Variants in MAML2 observed in about 807,000 individuals in gnomAD.
MAML2 encodes mastermind like transcriptional coactivator 2, also known as mastermind-like protein 2.
Under a neutral mutation model 96.1 loss-of-function variants are expected in MAML2, and 22 were observed. That is an observed-to-expected ratio of 0.23 (90% confidence interval 0.16 to 0.33). The LOEUF (loss-of-function observed/expected upper bound fraction) is 0.33. Among genes scored for constraint, MAML2 ranks in the 10% least tolerant of loss-of-function variants. The probability of loss-of-function intolerance (pLI) is 1.00; values close to 1 mark genes in which losing one functional copy is unlikely to be tolerated. For missense variants in MAML2, 1,367 were observed against 1,392.4 expected (o/e 0.98, Z 0.29); for synonymous variants, 561 against 521.3 (o/e 1.08, Z -1.04).
chr11:96,230,649 A>T (rs1404882691), intron 1 of MAML2, among the ~76,000 whole-genome samples: 1 of 152,244 alleles, frequency 6.6e-6, no homozygotes, highest in Non-Finnish European at 1.5e-5. Context: ...TTTCCAGGAC[A>T]GCCCACATCA....
intron 2 of MAML2, among the ~76,000 whole-genome samples, chr11:96,054,595 A>G (rs1859034036): frequency 6.6e-6 from 1 of 152,182 alleles, no homozygotes; most frequent in East Asian, 1.9e-4. Flanking sequence ...AGAGAGAGAA[A>G]AAAAGAATTA....
At position 96,342,085 on chromosome 11, in the gene MAML2, G is replaced by T. The variant is rs181723447; in HGVS notation, c.-190C>A. 6.9e-6 allele frequency: 4 copies of T among 578,520 alleles called. No individual in the cohort carries two copies. In the East Asian group the frequency reaches 1.1e-4, roughly 16 times the overall value. 35.8% of individuals were successfully genotyped at this position (578,520 alleles called of 1,614,324 possible). ...AGGGGAGTTAGTAAAAAGAGGGTGG[G>T]GAGAAAGAATAGAAACCAACTGGGG... On this transcript the variant is annotated 5_prime_UTR_variant, in exon 1 of 5. Transcript: ENST00000524717.
chr11:95,990,378 C>G (rs747292473), intron 3 of MAML2, among the ~76,000 whole-genome samples: 4 of 152,096 alleles, frequency 2.6e-5, no homozygotes, highest in African/African-American at 4.8e-5. Flanking sequence ...CACTCAATAC[C>G]TTGGCAGGCA....
intron 1 of MAML2, among the ~76,000 whole-genome samples, chr11:96,148,612 G>A (rs1296390431): frequency 6.7e-6 from 1 of 148,874 alleles, no homozygotes; most frequent in Non-Finnish European, 1.5e-5. Context: ...TCAATATGAA[G>A]TGGGGAAATG....
chr11:96,034,454 A>T (rs623773), intron 2 of MAML2, among the ~76,000 whole-genome samples: 14,472 of 127,832 alleles, frequency 0.11, 870 homozygotes, highest in Admixed American at 0.15. Flanking sequence ...AGAGAGAGAG[A>T]GAGTGTGTGT....
At chr11:96,162,593 C>A (rs1861126985) in intron 1 of MAML2, among the ~76,000 whole-genome samples, 1 of 151,796 alleles carries the variant, frequency 6.6e-6, no homozygotes, top group African/African-American at 2.4e-5. Context: ...TGCCGGTAAT[C>A]CCAGCTACTC....
chr11:96,174,224 T>C (rs1434665386), intron 1 of MAML2, among the ~76,000 whole-genome samples: 1 of 152,158 alleles, frequency 6.6e-6, no homozygotes, highest in Non-Finnish European at 1.5e-5. Context: ...AAAGGCTGCA[T>C]GAATAGGAAG....
chr11:96,210,398 T>C (rs1238010627), intron 1 of MAML2, among the ~76,000 whole-genome samples: 1 of 152,228 alleles, frequency 6.6e-6, no homozygotes, highest in Non-Finnish European at 1.5e-5. Context: ...CATGAGCCAC[T>C]GTGCCCACCT....
intron 1 of MAML2, among the ~76,000 whole-genome samples, chr11:96,300,523 C>T (rs980002038): frequency 1.3e-5 from 2 of 152,076 alleles, no homozygotes; most frequent in African/African-American, 4.8e-5. Context: ...CTTTACCTGA[C>T]AGGAGTAAAA....
chr11:96,195,286 C>T (rs1319119369), intron 1 of MAML2, among the ~76,000 whole-genome samples: 2 of 152,158 alleles, frequency 1.3e-5, no homozygotes, highest in African/African-American at 4.8e-5. Context: ...TAGATTTTAC[C>T]CATGTTTACA....
rs530179330 is a variant in MAML2 at position 96,269,117 on chromosome 11, T to A, written c.513+72266A>T. 4.1e-5 allele frequency among the ~76,000 whole-genome samples: 6 copies of A among 145,128 alleles called. 2 individuals are homozygous for A. The highest frequency in any genetic ancestry group is 1.6e-4 in the African/African-American group (6 of 38,012). On this transcript the variant is annotated intron_variant, in intron 1 of 4. Coordinates refer to ENST00000524717, the MANE Select transcript of MAML2 (RefSeq NM_032427.4). ...ACTTGGTTATTTTTATTGGAACTGC[T>A]AGAGGGAATCAAATATGCACAGACT... is the stretch of plus-strand genomic sequence containing the variant.
At chr11:96,177,637 C>G (rs766751503) in intron 1 of MAML2, among the ~76,000 whole-genome samples, 3 of 152,156 alleles carry the variant, frequency 2.0e-5, no homozygotes, top group Non-Finnish European at 2.9e-5. Context: ...CATAGAAAAG[C>G]TGCAATCACA....
intron 2 of MAML2, among the ~76,000 whole-genome samples, chr11:96,052,771 CT>C (rs1859007713): frequency 6.6e-6 from 1 of 152,228 alleles, no homozygotes; most frequent in South Asian, 2.1e-4. Flanking sequence ...GCTTCCAGAG[CT>C]GCTCAAGTCT....
intron 1 of MAML2, among the ~76,000 whole-genome samples, chr11:96,296,939 C>A (rs544863053): frequency 1.3e-5 from 2 of 152,338 alleles, no homozygotes; most frequent in South Asian, 4.1e-4. Flanking sequence ...CATTTAGTCT[C>A]CTGTAGAATT....
In MAML2 at chr11:96,021,335, C is replaced by T. The variant is rs540121508; in HGVS notation, c.2140-29612G>A. ...AATATTTGTTAAATGAATGGAAAATCGATATATTTCAGGTTTCTGTAACTG... is the reference window on the plus strand; with the variant it reads ...AATATTTGTTAAATGAATGGAAAATTGATATATTTCAGGTTTCTGTAACTG... On this transcript the variant is annotated intron_variant, in intron 2 of 4. Transcript: ENST00000524717. Among the ~76,000 whole-genome samples the T allele has an allele frequency of 3.9e-5, 6 of 152,166 alleles. No homozygotes were observed. The East Asian group carries it at 9.6e-4, about 24-fold the overall frequency.
In MAML2 at chr11:96,139,542, C is replaced by CTT. The variant is rs10531010; in HGVS notation, c.514-46027_514-46026dup. Among the ~76,000 whole-genome samples the CTT allele has an allele frequency of 4.4e-4, 65 of 146,104 alleles. 1 individual carries two copies. In the Middle Eastern group the frequency reaches 0.014, roughly 32 times the overall value. ...TCAAATACTTGATATATAACAGTTC[C>CTT]TTTTTTTTTTTTGATATATTTAAGA... On this transcript the variant is annotated intron_variant, in intron 1 of 4. Transcript: ENST00000524717.
chr11:95,997,878 T>C (rs982357798), intron 2 of MAML2, among the ~76,000 whole-genome samples: 1 of 152,118 alleles, frequency 6.6e-6, no homozygotes, highest in African/African-American at 2.4e-5. Context: ...TCTTTTACTC[T>C]GAGAATGTTT....
At chr11:96,314,067 G>T (rs746198) in intron 1 of MAML2, among the ~76,000 whole-genome samples, 9,999 of 152,246 alleles carry the variant, frequency 0.066, 422 homozygotes, top group African/African-American at 0.12. Flanking sequence ...AGAGGGCAGG[G>T]ATATGAAAAA....
At chr11:96,091,821 G>C in intron 2 of MAML2, 71 bp downstream of exon 2, 1 of 1,533,958 alleles carries the variant, frequency 6.5e-7, no homozygotes, top group Non-Finnish European at 8.8e-7. Context: ...CAAACATAAT[G>C]GTAACCACAG....
Sources: allele counts gnomAD v4.1 joint callset (sites outside exome capture counted in the v4.1 genomes callset), GRCh38; gene constraint gnomAD v4.1.1; transcripts MANE v1.5; gene names NCBI Gene and HGNC (gene_info 2026-07-23, HGNC 2026-07-21).